SDCCAG8: variants seen among roughly 807,000 people sequenced by gnomAD.
The protein encoded by SDCCAG8 is SHH signaling and ciliogenesis regulator SDCCAG8, also known as serologically defined colon cancer antigen 8.
A neutral mutation model predicts 101.8 loss-of-function variants in SDCCAG8; 74 were observed. The observed-to-expected ratio is 0.73, with a 90% CI of 0.60 to 0.88. The LOEUF (loss-of-function observed/expected upper bound fraction) is 0.88, where lower values mean the gene tolerates loss of function less well. Among genes scored for constraint, SDCCAG8 ranks in the 40% least tolerant of loss-of-function variants. The probability of loss-of-function intolerance (pLI) is 0.00; values close to 1 mark genes in which losing one functional copy is unlikely to be tolerated. For missense variants in SDCCAG8, 787 were observed against 822.6 expected (o/e 0.96, Z 0.53); for synonymous variants, 281 against 292.9 (o/e 0.96, Z 0.41).
chr1:243,371,599 G>A (rs1211900830), intron 12 of SDCCAG8, among the ~76,000 whole-genome samples: 4 of 152,100 alleles, frequency 2.6e-5, no homozygotes, highest in Non-Finnish European at 5.9e-5. Flanking sequence ...AATGGTAACC[G>A]TGAACAGGAT....
chr1:243,374,486 AG>A (rs2077478055), intron 12 of SDCCAG8, among the ~76,000 whole-genome samples: 2 of 152,150 alleles, frequency 1.3e-5, no homozygotes, highest in Non-Finnish European at 2.9e-5. Flanking sequence ...ACTAAGAATC[AG>A]GATGGCCTAG....
intron 8 of SDCCAG8, 47 bp downstream of exon 8, chr1:243,308,224 T>G: frequency 6.3e-7 from 1 of 1,598,936 alleles, no homozygotes. Context: ...TATGGAAAAT[T>G]CTGCCTTTAA....
rs1658641329 is a variant in SDCCAG8 at position 243,459,642 on chromosome 1, CTG to C, written c.1986-29370_1986-29369del. ...GTTTTTTAAGAGACAGGGTTTAACTCTGTTGTGCAGGTTGGAGTGCAGTGGCA... is the reference window on the plus strand; with the variant it reads ...GTTTTTTAAGAGACAGGGTTTAACTCTTGTGCAGGTTGGAGTGCAGTGGCA... On this transcript the variant is annotated intron_variant, in intron 16 of 17. Transcript: ENST00000366541. 2.0e-5 allele frequency among the ~76,000 whole-genome samples: 3 copies of C among 152,176 alleles called. No individual in the cohort carries two copies. The South Asian group carries it at 6.2e-4, about 32-fold the overall frequency.
intron 8 of SDCCAG8, among the ~76,000 whole-genome samples, chr1:243,312,252 T>C (rs1447310653): frequency 6.6e-6 from 1 of 152,254 alleles, no homozygotes; most frequent in Non-Finnish European, 1.5e-5. Flanking sequence ...TAAGCTGTTA[T>C]CATATTACCT....
At chr1:243,447,471 A>C (rs1485376681) in intron 16 of SDCCAG8, among the ~76,000 whole-genome samples, 12 of 152,126 alleles carry the variant, frequency 7.9e-5, no homozygotes, top group African/African-American at 2.6e-4. Context: ...ATTAGGTCTT[A>C]GTATCTATCA....
chr1:243,499,734 T>C, intron 17 of SDCCAG8, 22 bp from the exon 18 acceptor site: 1 of 1,597,224 alleles, frequency 6.3e-7, no homozygotes, highest in South Asian at 1.1e-5. Context: ...TATTGAAACT[T>C]ACTTTTTATT....
intron 1 of SDCCAG8, chr1:243,267,683 A>T: frequency 1.3e-6 from 1 of 776,762 alleles, no homozygotes; most frequent in Non-Finnish European, 2.4e-6. Context: ...TACTCTCTGT[A>T]CTAAGCAGTC....
chr1:243,259,005 T>G (rs183992443), intron 1 of SDCCAG8, among the ~76,000 whole-genome samples: 10 of 152,316 alleles, frequency 6.6e-5, no homozygotes, highest in African/African-American at 2.4e-4. Context: ...GCACATGTAG[T>G]CACTACTAAT....
At chr1:243,315,242 C>A (rs2073135536) in intron 8 of SDCCAG8, among the ~76,000 whole-genome samples, 1 of 152,106 alleles carries the variant, frequency 6.6e-6, no homozygotes, top group African/African-American at 2.4e-5. Context: ...AGCTAGACCC[C>A]TTTTACGTTA....
At chr1:243,304,385 A>T (rs2071866199) in intron 6 of SDCCAG8, among the ~76,000 whole-genome samples, 1 of 152,246 alleles carries the variant, frequency 6.6e-6, no homozygotes, top group Non-Finnish European at 1.5e-5. Context: ...GCCACAATGA[A>T]GGATTCTAAT....
chr1:243,492,604 GTT>G (rs74162289), intron 17 of SDCCAG8, among the ~76,000 whole-genome samples: 65 of 58,878 alleles, frequency 1.1e-3, no homozygotes, highest in East Asian at 2.6e-3. Context: ...GCGCCCAGCT[GTT>G]TTTTTTTTTT....
chr1:243,370,858 A>G (rs1318249439), intron 12 of SDCCAG8, among the ~76,000 whole-genome samples: 1 of 152,186 alleles, frequency 6.6e-6, no homozygotes, highest in African/African-American at 2.4e-5. Context: ...TTAAATAGCC[A>G]CATTGGAAGC....
chr1:243,327,406 ATTTATAATTTTATAGAAG>A (rs148611466), intron 9 of SDCCAG8, among the ~76,000 whole-genome samples: 16,355 of 138,822 alleles, frequency 0.12, 2,653 homozygotes, highest in South Asian at 0.3. Flanking sequence ...TTTTATAGAA[ATTTATAATTTTATAGAAG>A]TTAAAATTAT....
At chr1:243,333,217 ATTTG>A (rs1013071654) in intron 10 of SDCCAG8, among the ~76,000 whole-genome samples, 2 of 152,036 alleles carry the variant, frequency 1.3e-5, no homozygotes, top group Admixed American at 6.5e-5. Context: ...AACTCATTCC[ATTTG>A]TTTGTTCCAC....
intron 1 of SDCCAG8, among the ~76,000 whole-genome samples, chr1:243,257,472 C>CA (rs561638555): frequency 0.016 from 1,980 of 123,130 alleles, 24 homozygotes; most frequent in East Asian, 0.058. Flanking sequence ...GGGAGAAAGA[C>CA]AAAAAAAAAA....
At chr1:243,394,508 G>A (rs1231606816) in intron 13 of SDCCAG8, among the ~76,000 whole-genome samples, 2 of 152,100 alleles carry the variant, frequency 1.3e-5, no homozygotes, top group African/African-American at 2.4e-5. Flanking sequence ...AATTGAGGAA[G>A]GGGGTGGAAA....
chr1:243,427,869 C>CA (rs1436220487), intron 16 of SDCCAG8, among the ~76,000 whole-genome samples: 2 of 152,202 alleles, frequency 1.3e-5, no homozygotes, highest in African/African-American at 4.8e-5. Context: ...CAGGGGTCTG[C>CA]AAACGTTTTC....
intron 16 of SDCCAG8, among the ~76,000 whole-genome samples, chr1:243,473,707 G>A (rs1661693193): frequency 6.6e-6 from 1 of 152,060 alleles, no homozygotes; most frequent in Non-Finnish European, 1.5e-5. Context: ...AGGAGAAAGC[G>A]GGAGAGTGAG....
rs369495349 is a variant in SDCCAG8, at chr1:243,431,536, T to C, written c.1985+4978T>C. Among the ~76,000 whole-genome samples, 26 of 152,288 alleles carry C rather than the reference T, an allele frequency of 1.7e-4. No homozygotes were observed. In the East Asian group the frequency reaches 3.7e-3, roughly 21 times the overall value. ...GGCCATGAATTTAATGTTCAAATGA[T>C]GGTAAAGATCATTCAAGTTGTAAAA... On this transcript the variant is annotated intron_variant, in intron 16 of 17. Coordinates refer to ENST00000366541, the MANE Select transcript of SDCCAG8 (RefSeq NM_006642.5).
Sources: allele counts gnomAD v4.1 joint callset (sites outside exome capture counted in the v4.1 genomes callset), GRCh38; gene constraint gnomAD v4.1.1; transcripts MANE v1.5; gene names NCBI Gene and HGNC (gene_info 2026-07-23, HGNC 2026-07-21).